The following SPOCK1 variants were observed in gnomAD, a reference collection of about 807,000 sequenced individuals.
The protein encoded by SPOCK1 is SPARC (osteonectin), cwcv and kazal like domains proteoglycan 1, also known as testican-1.
A neutral mutation model predicts 55.3 loss-of-function variants in SPOCK1; 23 were observed. The ratio of observed to expected loss-of-function variants is 0.42; its 90% CI spans 0.30 to 0.59. The LOEUF (loss-of-function observed/expected upper bound fraction) is 0.59. Ranked by LOEUF, SPOCK1 falls within the 20% of genes least tolerant of loss-of-function variation. SPOCK1 has a pLI of 0.22. For synonymous variants in SPOCK1, 226 were observed against 221.0 expected (o/e 1.02, Z -0.20); for missense variants, 499 against 552.5 (o/e 0.90, Z 0.97).
In SPOCK1 at chr5:137,494,118, G is replaced by A. The variant is rs1253035133; in HGVS notation, c.186+4255C>T. 6.6e-5 allele frequency among the ~76,000 whole-genome samples: 10 copies of A among 152,160 alleles called. No individual in the cohort carries two copies. In the South Asian group the frequency reaches 2.1e-3, roughly 31 times the overall value. On this transcript the variant is annotated intron_variant, in intron 2 of 10. Transcript: ENST00000394945. ...AATTATCCTAAAGTTAAATGTCAGG[G>A]TTTCATGTGTGCAAAAGAAAGAAAA... is the stretch of plus-strand genomic sequence containing the variant.
chr5:137,040,528 A>G lies in SPOCK1; in HGVS notation c.589+27187T>C, dbSNP rs111793336. On this transcript the variant is annotated intron_variant, in intron 6 of 10. Transcript: ENST00000394945. ...GGGACAAATACTGCCTGAGACGTTT[A>G]GCAATACCCAATTTGCCATATGACA... 4.9e-3 allele frequency among the ~76,000 whole-genome samples: 750 copies of G among 152,382 alleles called. 7 individuals carry two copies. The highest frequency in any genetic ancestry group is 0.017 in the African/African-American group (703 of 41,598).
At chr5:137,277,443 C>A (rs1448703245) in intron 2 of SPOCK1, among the ~76,000 whole-genome samples, 1 of 152,104 alleles carries the variant, frequency 6.6e-6, no homozygotes, top group African/African-American at 2.4e-5. Context: ...TGCCTGACTT[C>A]GAAGATCATG....
intron 3 of SPOCK1, among the ~76,000 whole-genome samples, chr5:137,143,643 C>T (rs774362501): frequency 6.6e-6 from 1 of 152,136 alleles, no homozygotes; most frequent in Non-Finnish European, 1.5e-5. Flanking sequence ...TGCTAAGCAC[C>T]TCATATGTGT....
Position 137,206,714 on chromosome 5 carries a change from A to G in SPOCK1, c.232+60296T>C, listed in dbSNP as rs906948936. 2.0e-5 allele frequency among the ~76,000 whole-genome samples: 3 copies of G among 152,366 alleles called. No homozygotes were observed. The East Asian group carries it at 5.8e-4, about 29-fold the overall frequency. ...ATGTTACAACCAGCATATTTAATTC[A>G]AACAGGAGAAACTTCACATAAATAT... On this transcript the variant is annotated intron_variant, in intron 3 of 10. Transcript: ENST00000394945.
At chr5:137,100,233 A>T (rs1753236386) in intron 5 of SPOCK1, among the ~76,000 whole-genome samples, 1 of 152,136 alleles carries the variant, frequency 6.6e-6, no homozygotes, top group East Asian at 1.9e-4. Context: ...TCCCAGGAAA[A>T]TGGTTCCTCC....
chr5:137,354,799 C>T (rs563243891), intron 2 of SPOCK1, among the ~76,000 whole-genome samples: 14 of 152,302 alleles, frequency 9.2e-5, no homozygotes, highest in African/African-American at 2.6e-4. Flanking sequence ...AAAGGATTGG[C>T]CCGTAGGAGG....
intron 2 of SPOCK1, among the ~76,000 whole-genome samples, chr5:137,317,197 C>T (rs1442141764): frequency 6.6e-6 from 1 of 152,180 alleles, no homozygotes; most frequent in East Asian, 1.9e-4. Context: ...TTGTCTCCCT[C>T]CCAGTTTTCA....
chr5:137,055,384 G>A (rs543235373), intron 6 of SPOCK1, among the ~76,000 whole-genome samples: 3 of 152,226 alleles, frequency 2.0e-5, no homozygotes, highest in African/African-American at 4.8e-5. Context: ...ACCCTCTGGG[G>A]GTATTGTTTT....
rs35664605 is a variant in SPOCK1, at chr5:137,279,013, C to T, written c.187-11958G>A. Among the ~76,000 whole-genome samples the T allele has an allele frequency of 3.6e-3, 555 of 152,282 alleles. 2 individuals are homozygous for T. Among genetic ancestry groups the T allele is most frequent in the Middle Eastern group, 0.01 (3 of 294 alleles). ...CGCTTATTTAGGGCCTGGGCACCCA[C>T]AGAGACAGAGTGAGGCTAAGACTAG... On this transcript the variant is annotated intron_variant, in intron 2 of 10. Coordinates refer to ENST00000394945, the MANE Select transcript of SPOCK1 (RefSeq NM_004598.4).
chr5:137,278,416 C>T (rs1287277942), intron 2 of SPOCK1, among the ~76,000 whole-genome samples: 2 of 152,196 alleles, frequency 1.3e-5, no homozygotes, highest in Non-Finnish European at 2.9e-5. Context: ...GCAAGCCTAC[C>T]ACAAATGGAC....
At chr5:137,383,898 C>T (rs1172478441) in intron 2 of SPOCK1, among the ~76,000 whole-genome samples, 1 of 152,208 alleles carries the variant, frequency 6.6e-6, no homozygotes, top group Non-Finnish European at 1.5e-5. Flanking sequence ...CACTGGCTCC[C>T]ACCTCATCAG....
At chr5:137,009,110 A>C (rs1445861818) in intron 6 of SPOCK1, among the ~76,000 whole-genome samples, 1 of 152,226 alleles carries the variant, frequency 6.6e-6, no homozygotes, top group Non-Finnish European at 1.5e-5. Context: ...TTTTATTTTC[A>C]GACCAGGTCA....
At chr5:137,497,540 C>G (rs986169518) in intron 2 of SPOCK1, among the ~76,000 whole-genome samples, 2 of 152,208 alleles carry the variant, frequency 1.3e-5, no homozygotes, top group Admixed American at 1.3e-4. Flanking sequence ...TCCCACAGAA[C>G]AGAGGAGATG....
At chr5:137,009,167 A>C (rs542522137) in intron 6 of SPOCK1, among the ~76,000 whole-genome samples, 4 of 152,186 alleles carry the variant, frequency 2.6e-5, no homozygotes, top group African/African-American at 9.6e-5. Context: ...AAATATAACA[A>C]TGGCAAAGTG....
chr5:137,140,760 T>G, intron 3 of SPOCK1, 66 bp from the exon 4 acceptor site: 1 of 1,114,774 alleles, frequency 9.0e-7, no homozygotes, highest in Non-Finnish European at 1.2e-6. Flanking sequence ...TTTTTTTTTT[T>G]TTTTTTTTTT....
At chr5:137,385,461 G>A (rs1015755115) in intron 2 of SPOCK1, among the ~76,000 whole-genome samples, 32 of 152,294 alleles carry the variant, frequency 2.1e-4, no homozygotes, top group Admixed American at 2.1e-3. Flanking sequence ...TTCAGACTTT[G>A]CATACATAGC....
At chr5:137,299,147 A>G (rs964303987) in intron 2 of SPOCK1, among the ~76,000 whole-genome samples, 5 of 152,040 alleles carry the variant, frequency 3.3e-5, no homozygotes, top group Non-Finnish European at 7.4e-5. Flanking sequence ...TACTATTTTT[A>G]GTAACTGATA....
At chr5:137,134,539 C>A (rs528890790) in intron 4 of SPOCK1, among the ~76,000 whole-genome samples, 1 of 152,234 alleles carries the variant, frequency 6.6e-6, no homozygotes, top group African/African-American at 2.4e-5. Flanking sequence ...GCATGAGCCA[C>A]TTGGAGAAGG....
intron 4 of SPOCK1, among the ~76,000 whole-genome samples, chr5:137,126,873 G>A (rs1235007120): frequency 2.0e-5 from 3 of 152,162 alleles, no homozygotes; most frequent in Non-Finnish European, 4.4e-5. Context: ...CAACTAAACT[G>A]GATATTTGGC....
Sources: allele counts gnomAD v4.1 joint callset (sites outside exome capture counted in the v4.1 genomes callset), GRCh38; gene constraint gnomAD v4.1.1; transcripts MANE v1.5; gene names NCBI Gene and HGNC (gene_info 2026-07-23, HGNC 2026-07-21).